FAM107A: variants seen among roughly 807,000 people sequenced by gnomAD.
FAM107A encodes family with sequence similarity 107 member A.
Under a neutral mutation model 13.7 loss-of-function variants are expected in FAM107A, and 19 were observed. The observed-to-expected ratio is 1.38, with a 90% confidence interval of 0.97 to 2.03. The LOEUF is 2.03. FAM107A is among the 30% of genes most tolerant of loss of function. The pLI, the probability that FAM107A is intolerant of heterozygous loss-of-function variation, is 0.00. For synonymous variants in FAM107A, 82 were observed against 74.5 expected, an observed-to-expected ratio of 1.10 and a Z score of -0.52; for missense variants, 203 against 184.4, an observed-to-expected ratio of 1.10 and a Z score of -0.58.
intron 1 of FAM107A, among the ~76,000 whole-genome samples, chr3:58,600,036 C>G (rs1386384434): frequency 2.0e-5 from 3 of 151,916 alleles, no homozygotes; most frequent in African/African-American, 7.3e-5. Flanking sequence ...ACCCCCCACC[C>G]CTGCAATTTA....
At chr3:58,578,933 C>T (rs1379658762), upstream of FAM107A, among the ~76,000 whole-genome samples, 2 of 152,170 alleles carry the variant, frequency 1.3e-5, no homozygotes, top group African/African-American at 2.4e-5. Flanking sequence ...TTATTTAATT[C>T]CTACTGTGTT....
chr3:58,586,785 G>T lies in FAM107A; in HGVS notation c.79+73C>A. On this transcript the variant is annotated intron_variant, in intron 1 of 3. Transcript: ENST00000447756. Reference sequence around the variant, plus strand: ...AGGCGCCCAGCGGCGGACTGGCCAGGGACTGAGCGCCGTGCACCACAGAGC... The same window carrying T: ...AGGCGCCCAGCGGCGGACTGGCCAGTGACTGAGCGCCGTGCACCACAGAGC... The T allele has an allele frequency of 3.5e-6, 5 of 1,431,250 alleles. 1 individual carries two copies. Among genetic ancestry groups the T allele is most frequent in the Middle Eastern group, 1.8e-4 (1 of 5,636 alleles). The allele number at this position is 1,431,250 out of a possible 1,614,324, so 88.7% of individuals were successfully genotyped here.
At chr3:58,584,384 A>G (rs1439791243) in intron 1 of FAM107A, among the ~76,000 whole-genome samples, 1 of 152,196 alleles carries the variant, frequency 6.6e-6, no homozygotes, top group African/African-American at 2.4e-5. Context: ...GCAGATGTAC[A>G]GCAGAGATGG....
intron 1 of FAM107A, among the ~76,000 whole-genome samples, chr3:58,585,203 A>G (rs1235410974): frequency 6.6e-6 from 1 of 152,204 alleles, no homozygotes; most frequent in Non-Finnish European, 1.5e-5. Context: ...GAGGGGGAAC[A>G]CAAGGCCTTC....
chr3:58,582,961 G>A (rs1267201715), intron 1 of FAM107A, among the ~76,000 whole-genome samples: 17 of 152,092 alleles, frequency 1.1e-4, no homozygotes, highest in Admixed American at 9.8e-4. Context: ...ATCACGCCTA[G>A]CTAATTTTTG....
intron 1 of FAM107A, among the ~76,000 whole-genome samples, chr3:58,586,147 C>A (rs1366879183): frequency 2.2e-5 from 3 of 133,532 alleles, no homozygotes; most frequent in Admixed American, 7.2e-5. Flanking sequence ...CGCTGCCGGG[C>A]TCCAGTTTCT....
intron 1 of FAM107A, among the ~76,000 whole-genome samples, chr3:58,605,214 GTCTCCCAGCCCCAGCTGAC>G (rs1055630820): frequency 2.6e-5 from 4 of 152,112 alleles, no homozygotes; most frequent in Non-Finnish European, 5.9e-5. Context: ...TCTCTCCAAT[GTCTCCCAGCCCCAGCTGAC>G]TCTCCCAGCC....
upstream of FAM107A, among the ~76,000 whole-genome samples, chr3:58,590,369 A>G (rs189856521): frequency 8.5e-5 from 13 of 152,210 alleles, no homozygotes; most frequent in East Asian, 3.9e-4. Flanking sequence ...CCACCTTCCA[A>G]TGAATTTCTG....
At chr3:58,595,756 G>T (rs1241587394) in intron 1 of FAM107A, among the ~76,000 whole-genome samples, 1 of 152,104 alleles carries the variant, frequency 6.6e-6, no homozygotes, top group African/African-American at 2.4e-5. Context: ...CCCCTTCCAT[G>T]CAAGACTTGT....
intron 1 of FAM107A, among the ~76,000 whole-genome samples, chr3:58,603,640 C>A (rs2065770255): frequency 6.6e-6 from 1 of 152,118 alleles, no homozygotes; most frequent in Non-Finnish European, 1.5e-5. Context: ...GGCTTTTGTA[C>A]CTCCATATCT....
chr3:58,572,987 C>T (rs1055764385), intron 1 of FAM107A, among the ~76,000 whole-genome samples: 9 of 152,184 alleles, frequency 5.9e-5, no homozygotes, highest in African/African-American at 1.7e-4. Flanking sequence ...TGAAGCCAGT[C>T]CTGCACCCCA....
rs2063620855 is a variant in FAM107A, at chr3:58,566,352, G to GTTCCT, written c.*235_*236insAGGAA. On this transcript the variant is annotated 3_prime_UTR_variant, in exon 4 of 4. Coordinates refer to ENST00000360997, the MANE Select transcript of FAM107A (RefSeq NM_001076778.3). ...GGCTCTGAACCCCTTGCAGGGAGGGGTGCAGGTTATCCCTCTTGGAGCAGG... is the reference window on the plus strand; with the variant it reads ...GGCTCTGAACCCCTTGCAGGGAGGGGTTCCTTGCAGGTTATCCCTCTTGGAGCAGG... The GTTCCT allele has an allele frequency of 2.0e-6, 1 of 509,894 alleles. No individual in the cohort carries two copies. Among genetic ancestry groups the GTTCCT allele is most frequent in the Non-Finnish European group, 3.5e-6 (1 of 289,330 alleles). The allele number at this position is 509,894 out of a possible 1,614,324, so 31.6% of individuals were successfully genotyped here. A position where few individuals can be genotyped will look rare whatever the true frequency, so the allele number is the denominator to read the frequency against.
At chr3:58,621,885 C>T (rs2065959150) in intron 1 of FAM107A, among the ~76,000 whole-genome samples, 2 of 152,246 alleles carry the variant, frequency 1.3e-5, no homozygotes, top group African/African-American at 2.4e-5. Flanking sequence ...AGCCCTGCCA[C>T]TTCCTTACTG....
At chr3:58,605,408 CTG>C (rs561067817) in intron 1 of FAM107A, among the ~76,000 whole-genome samples, 4 of 152,310 alleles carry the variant, frequency 2.6e-5, no homozygotes, top group Admixed American at 2.6e-4. Flanking sequence ...CTCCAGTGCC[CTG>C]TCTTGCAGAT....
chr3:58,626,424 G>A (rs1036690655), intron 1 of FAM107A, among the ~76,000 whole-genome samples: 1 of 152,136 alleles, frequency 6.6e-6, no homozygotes, highest in Non-Finnish European at 1.5e-5. Flanking sequence ...TAATAATAAT[G>A]GAGCAAAGCC....
At chr3:58,587,134 G>T, upstream of FAM107A, 1 of 1,354,410 alleles carries the variant, frequency 7.4e-7, no homozygotes. Context: ...AGGGGCCAGG[G>T]CAGGTGTCCG....
At chr3:58,600,161 G>A (rs1230656795) in intron 1 of FAM107A, among the ~76,000 whole-genome samples, 1 of 152,062 alleles carries the variant, frequency 6.6e-6, no homozygotes, top group Non-Finnish European at 1.5e-5. Flanking sequence ...TTGCCTGACA[G>A]GGGAAACCCT....
At chr3:58,567,554 C>T (rs938032650) in intron 2 of FAM107A, among the ~76,000 whole-genome samples, 190 bp from the exon 3 acceptor site, 10 of 152,204 alleles carry the variant, frequency 6.6e-5, no homozygotes, top group Admixed American at 2.0e-4. Context: ...CTGAAGATAC[C>T]AGTCCAAGAC....
chr3:58,596,011 C>G (rs2065704404), intron 1 of FAM107A, among the ~76,000 whole-genome samples: 1 of 152,202 alleles, frequency 6.6e-6, no homozygotes, highest in Non-Finnish European at 1.5e-5. Flanking sequence ...TGAAAGTTAG[C>G]AGACATAAAT....
Sources: gnomAD v4.1 joint callset for allele counts (sites outside exome capture counted in the v4.1 genomes callset) on GRCh38, gnomAD v4.1.1 for gene constraint, MANE v1.5 for transcripts, NCBI Gene and HGNC (gene_info 2026-07-23, HGNC 2026-07-21) for gene names.